The following PDS5A variants were observed in gnomAD, a reference collection of about 807,000 sequenced individuals.
PDS5A encodes PDS5 cohesin associated factor A, also known as sister chromatid cohesion protein PDS5 homolog A.
In PDS5A, 42 loss-of-function variants were observed where a neutral mutation model predicts 167.1. The observed-to-expected ratio is 0.25, with a 90% CI of 0.20 to 0.33. The LOEUF (loss-of-function observed/expected upper bound fraction) is 0.33. PDS5A is among the 10% of genes least tolerant of loss of function. The pLI, the probability that PDS5A is intolerant of heterozygous loss-of-function variation, is 1.00. For missense variants in PDS5A, 1,033 were observed against 1,605.9 expected, an observed-to-expected ratio of 0.64 and a Z score of 6.10; for synonymous variants, 553 against 554.6, an observed-to-expected ratio of 1.00 and a Z score of 0.04.
intron 2 of PDS5A, among the ~76,000 whole-genome samples, chr4:39,931,096 C>T (rs541548848): frequency 5.1e-4 from 78 of 152,106 alleles, no homozygotes; most frequent in Middle Eastern, 3.4e-3. Context: ...TCGCTTGAGC[C>T]CAGCAGTTCC....
At chr4:39,972,958 A>G (rs1730698460) in intron 2 of PDS5A, among the ~76,000 whole-genome samples, 1 of 152,040 alleles carries the variant, frequency 6.6e-6, no homozygotes, top group African/African-American at 2.4e-5. Flanking sequence ...TAGGACTAAT[A>G]TTATGTTTGC....
intron 2 of PDS5A, among the ~76,000 whole-genome samples, chr4:39,972,356 C>T (rs1333320089): frequency 2.6e-5 from 4 of 152,170 alleles, no homozygotes; most frequent in Admixed American, 2.6e-4. Flanking sequence ...TCCGTCTCTA[C>T]TAAAAATACA....
intron 26 of PDS5A, among the ~76,000 whole-genome samples, chr4:39,859,050 T>G (rs1016671542): frequency 6.6e-6 from 1 of 152,098 alleles, no homozygotes; most frequent in African/African-American, 2.4e-5. Flanking sequence ...TGATAAGAGA[T>G]AAATACCCAA....
chr4:39,914,839 T>C (rs185959844), intron 8 of PDS5A, among the ~76,000 whole-genome samples: 195 of 152,182 alleles, frequency 1.3e-3, no homozygotes, highest in Non-Finnish European at 2.4e-3. Flanking sequence ...CCTAAAGCAA[T>C]ACCAGATATC....
intron 13 of PDS5A, among the ~76,000 whole-genome samples, chr4:39,901,821 T>C (rs1419364283): frequency 4.6e-5 from 7 of 152,158 alleles, no homozygotes; most frequent in Non-Finnish European, 8.8e-5. Flanking sequence ...AATATATGTA[T>C]ATATTGTAAC....
intron 26 of PDS5A, among the ~76,000 whole-genome samples, chr4:39,858,535 C>T (rs527992835): frequency 1.3e-5 from 2 of 152,268 alleles, no homozygotes; most frequent in African/African-American, 4.8e-5. Context: ...TGAATGTTTA[C>T]CTTATACCAC....
chr4:39,938,054 C>A (rs903734562), intron 2 of PDS5A, among the ~76,000 whole-genome samples: 12 of 152,210 alleles, frequency 7.9e-5, no homozygotes, highest in Non-Finnish European at 1.5e-4. Flanking sequence ...ACTGTTCAAA[C>A]CGTGATCAAA....
chr4:39,839,899 G>T (rs533370625), intron 31 of PDS5A, among the ~76,000 whole-genome samples: 89 of 152,008 alleles, frequency 5.9e-4, no homozygotes, highest in Middle Eastern at 3.4e-3. Flanking sequence ...TTCAAGACCA[G>T]CCTGGCCAAC....
chr4:39,882,775 C>T (rs1303356698), intron 17 of PDS5A, among the ~76,000 whole-genome samples: 1 of 152,072 alleles, frequency 6.6e-6, no homozygotes, highest in Non-Finnish European at 1.5e-5. Context: ...CACAGTCCTT[C>T]CTCTTATAAA....
In PDS5A at chr4:39,930,254, TG is replaced by T. The variant is rs1476199054; in HGVS notation, c.139-2091del. Reference sequence around the variant, plus strand: ...AAAAAAAAAAAAAAAAAAGTTTTTTTGTTTTTTGTTTTTTTTTTTTAAGAGA... The same window carrying T: ...AAAAAAAAAAAAAAAAAAGTTTTTTTTTTTTTGTTTTTTTTTTTTAAGAGA... On this transcript the variant is annotated intron_variant, in intron 2 of 32. Transcript: ENST00000303538. Among the ~76,000 whole-genome samples the T allele has an allele frequency of 1.5e-3, 182 of 118,296 alleles. 5 individuals carry two copies. Among genetic ancestry groups the T allele is most frequent in the Non-Finnish European group, 2.5e-3 (128 of 51,922 alleles). 77.6% of individuals were successfully genotyped at this position (118,296 alleles called of 152,430 possible). A position where few individuals can be genotyped will look rare whatever the true frequency, so the allele number is the denominator to read the frequency against.
chr4:39,945,918 C>T (rs1727710453), intron 2 of PDS5A, among the ~76,000 whole-genome samples: 1 of 151,882 alleles, frequency 6.6e-6, no homozygotes, highest in African/African-American at 2.4e-5. Context: ...GAAAAAAAAG[C>T]AGGACAGGCG....
intron 21 of PDS5A, among the ~76,000 whole-genome samples, chr4:39,870,068 C>T (rs999098611): frequency 2.6e-5 from 4 of 151,978 alleles, no homozygotes; most frequent in Admixed American, 6.6e-5. Context: ...GACATTGCGC[C>T]ACCTCACTCC....
intron 2 of PDS5A, among the ~76,000 whole-genome samples, chr4:39,934,244 A>G (rs1726361142): frequency 6.6e-6 from 1 of 152,144 alleles, no homozygotes; most frequent in African/African-American, 2.4e-5. Flanking sequence ...GGCCAGCTAT[A>G]CGAAGTGTTC....
chr4:39,835,360 A>G (rs1716291728), intron 32 of PDS5A, among the ~76,000 whole-genome samples: 1 of 152,216 alleles, frequency 6.6e-6, no homozygotes, highest in South Asian at 2.1e-4. Flanking sequence ...AAGATCTGTA[A>G]TGTGCCTTTT....
At chr4:39,906,734 T>C (rs914594636) in intron 11 of PDS5A, among the ~76,000 whole-genome samples, 9 of 151,368 alleles carry the variant, frequency 5.9e-5, no homozygotes, top group African/African-American at 2.2e-4. Context: ...CTGGGTAACA[T>C]AGTAACACAC....
At chr4:39,959,274 T>C (rs1250438659) in intron 2 of PDS5A, among the ~76,000 whole-genome samples, 1 of 152,220 alleles carries the variant, frequency 6.6e-6, no homozygotes, top group Non-Finnish European at 1.5e-5. Flanking sequence ...ACTACTTTAG[T>C]AGGAAGTGTT....
At chr4:39,913,482 G>A in intron 9 of PDS5A, 129 bp downstream of exon 9, 5 of 584,446 alleles carry the variant, frequency 8.6e-6, no homozygotes, top group South Asian at 7.2e-5. Flanking sequence ...TAAGAAGGAT[G>A]GAAACACAGA....
chr4:39,910,429 A>G, intron 9 of PDS5A, 91 bp from the exon 10 acceptor site: 1 of 658,738 alleles, frequency 1.5e-6, no homozygotes, highest in Non-Finnish European at 2.7e-6. Context: ...CTTATACGCA[A>G]CAATAGTTAC....
chr4:39,833,332 C>T (rs1413094917), intron 32 of PDS5A, among the ~76,000 whole-genome samples: 3 of 151,808 alleles, frequency 2.0e-5, no homozygotes, highest in African/African-American at 2.4e-5. Context: ...ATCACTGATG[C>T]TTTAGGAAAA....
Sources: gnomAD v4.1 joint callset for allele counts (sites outside exome capture counted in the v4.1 genomes callset) on GRCh38, gnomAD v4.1.1 for gene constraint, MANE v1.5 for transcripts, NCBI Gene and HGNC (gene_info 2026-07-23, HGNC 2026-07-21) for gene names.